GALNT18: variants seen among roughly 807,000 people sequenced by gnomAD.
GALNT18 encodes polypeptide N-acetylgalactosaminyltransferase 18, also known as GalNAc-transferase 18.
Under a neutral mutation model 69.5 loss-of-function variants are expected in GALNT18, and 44 were observed. The observed-to-expected ratio is 0.63, with a 90% CI of 0.50 to 0.81. The LOEUF is 0.81. Ranked by LOEUF, GALNT18 falls within the 40% of genes least tolerant of loss-of-function variation. The pLI is 0.00. For missense variants in GALNT18, 715 were observed against 810.0 expected (o/e 0.88, Z 1.42); for synonymous variants, 364 against 318.2 (o/e 1.14, Z -1.53).
chr11:11,371,657 AG>A (rs1194294208), intron 6 of GALNT18, among the ~76,000 whole-genome samples: 3 of 104,918 alleles, frequency 2.9e-5, no homozygotes, highest in Non-Finnish European at 7.1e-5. Context: ...GACATCCTGC[AG>A]CTCTAATACT....
chr11:11,408,600 T>C (rs748841505), intron 3 of GALNT18, among the ~76,000 whole-genome samples: 1 of 152,020 alleles, frequency 6.6e-6, no homozygotes, highest in Non-Finnish European at 1.5e-5. Context: ...CAAATGTTTC[T>C]TATATAAAGG....
chr11:11,471,798 C>A (rs373272894), intron 1 of GALNT18, among the ~76,000 whole-genome samples: 1 of 152,322 alleles, frequency 6.6e-6, no homozygotes, highest in East Asian at 1.9e-4. Flanking sequence ...CATCTCCTGA[C>A]CAGTGGGGCC....
chr11:11,301,778 C>T (rs1326087261), intron 9 of GALNT18, among the ~76,000 whole-genome samples: 3 of 152,202 alleles, frequency 2.0e-5, no homozygotes, highest in Non-Finnish European at 4.4e-5. Context: ...CCAGGGCTGG[C>T]CTGGGCATTG....
At chr11:11,503,883 G>T (rs1316321415) in intron 1 of GALNT18, among the ~76,000 whole-genome samples, 2 of 152,160 alleles carry the variant, frequency 1.3e-5, no homozygotes. Flanking sequence ...TCAAATCATT[G>T]CCAGCAGTGC....
intron 6 of GALNT18, among the ~76,000 whole-genome samples, chr11:11,371,401 T>C (rs934614626): frequency 6.6e-6 from 1 of 152,098 alleles, no homozygotes; most frequent in African/African-American, 2.4e-5. Context: ...GTATCAGGAA[T>C]TGGAGACATC....
rs1188086618 is a variant in GALNT18 at position 11,587,271 on chromosome 11, A to T, written c.235+34088T>A. ...CTGGCTCACTTTCTCAGAAATGAGG[A>T]AACTTGGAGGCAATTTGAGACTTGG... On this transcript the variant is annotated intron_variant, in intron 1 of 10. Transcript: ENST00000227756. This position sits in a 1 kb window ranked among gnomAD's most constrained non-coding sequence, Gnocchi z 4.4. Among the ~76,000 whole-genome samples the T allele has an allele frequency of 6.6e-6, 1 of 152,240 alleles. No individual in the cohort carries two copies. Among genetic ancestry groups the T allele is most frequent in the Non-Finnish European group, 1.5e-5 (1 of 68,044 alleles).
At chr11:11,286,053 G>A (rs1050449054) in intron 10 of GALNT18, among the ~76,000 whole-genome samples, 1 of 152,070 alleles carries the variant, frequency 6.6e-6, no homozygotes, top group Non-Finnish European at 1.5e-5. Flanking sequence ...ATGCATCAGC[G>A]CTGCTCTGAG....
At chr11:11,473,689 T>A (rs1484306211) in intron 1 of GALNT18, among the ~76,000 whole-genome samples, 1 of 152,222 alleles carries the variant, frequency 6.6e-6, no homozygotes, top group Non-Finnish European at 1.5e-5. Flanking sequence ...GAGAAGCAAG[T>A]TCACTTCTAA....
chr11:11,517,666 G>A (rs770870245), intron 1 of GALNT18, among the ~76,000 whole-genome samples: 4 of 151,878 alleles, frequency 2.6e-5, no homozygotes, highest in Admixed American at 6.6e-5. Flanking sequence ...ATCCCCTTGC[G>A]AGACTAGCTA....
At chr11:11,443,167 T>C (rs1394003052) in intron 2 of GALNT18, among the ~76,000 whole-genome samples, 3 of 152,172 alleles carry the variant, frequency 2.0e-5, no homozygotes, top group Non-Finnish European at 4.4e-5. Flanking sequence ...ATGTTCCACC[T>C]GCCTGGCCCG....
chr11:11,274,815 C>T (rs1424925516), intron 10 of GALNT18, among the ~76,000 whole-genome samples: 1 of 152,152 alleles, frequency 6.6e-6, no homozygotes, highest in Non-Finnish European at 1.5e-5. Flanking sequence ...GTTTTCTGTT[C>T]TTTGCTGTTC....
Position 11,621,179 on chromosome 11 carries a change from C to T in GALNT18, c.235+180G>A, listed in dbSNP as rs1860182681. On this transcript the variant is annotated intron_variant, in intron 1 of 10. Transcript: ENST00000227756. This position sits in a 1 kb window ranked among gnomAD's most constrained non-coding sequence, Gnocchi z 9.3. ...TGTGCCCCGGGGAAGAGCGCACGGC[C>T]GCAGACAGAAGGTCCCGAACGCAGG... 2.6e-5 allele frequency among the ~76,000 whole-genome samples: 4 copies of T among 152,118 alleles called. No individual in the cohort carries two copies. The highest frequency in any genetic ancestry group is 6.5e-5 in the Admixed American group (1 of 15,284).
At chr11:11,544,612 G>C (rs12418371) in intron 1 of GALNT18, among the ~76,000 whole-genome samples, 3 of 152,170 alleles carry the variant, frequency 2.0e-5, no homozygotes, top group Non-Finnish European at 2.9e-5. Flanking sequence ...TTGTTACATA[G>C]GTATACCTGT....
chr11:11,385,469 G>C (rs1854031054), intron 3 of GALNT18, among the ~76,000 whole-genome samples: 1 of 152,010 alleles, frequency 6.6e-6, no homozygotes, highest in African/African-American at 2.4e-5. Flanking sequence ...CTAATTTTTT[G>C]TATTTTTAGT....
At chr11:11,529,276 T>C (rs1231449016) in intron 1 of GALNT18, among the ~76,000 whole-genome samples, 2 of 152,214 alleles carry the variant, frequency 1.3e-5, no homozygotes, top group African/African-American at 4.8e-5. Context: ...AACATTTGAA[T>C]CAGTAGACTG....
At chr11:11,285,637 T>C (rs1230869302) in intron 10 of GALNT18, among the ~76,000 whole-genome samples, 1 of 152,216 alleles carries the variant, frequency 6.6e-6, no homozygotes, top group Non-Finnish European at 1.5e-5. Flanking sequence ...TCCCTTCATA[T>C]GACATGAAAG....
intron 10 of GALNT18, among the ~76,000 whole-genome samples, chr11:11,285,846 C>T (rs1849181972): frequency 6.6e-6 from 1 of 152,170 alleles, no homozygotes; most frequent in African/African-American, 2.4e-5. Context: ...CAAATAGATT[C>T]GTCTTTGCGT....
intron 1 of GALNT18, among the ~76,000 whole-genome samples, chr11:11,472,209 C>A (rs1444771004): frequency 3.3e-5 from 5 of 152,240 alleles, no homozygotes; most frequent in Non-Finnish European, 7.3e-5. Flanking sequence ...CTGTTCTGCA[C>A]TGCCTGGCTG....
intron 1 of GALNT18, among the ~76,000 whole-genome samples, chr11:11,589,382 C>T (rs1425882502): frequency 6.6e-6 from 1 of 152,200 alleles, no homozygotes; most frequent in African/African-American, 2.4e-5. Flanking sequence ...AAAATACAAG[C>T]AATCTCCTTT....
Sources: allele counts gnomAD v4.1 joint callset (sites outside exome capture counted in the v4.1 genomes callset), GRCh38; gene constraint gnomAD v4.1.1; non-coding constraint Gnocchi (gnomAD v3.1); transcripts MANE v1.5; gene names NCBI Gene and HGNC (gene_info 2026-07-23, HGNC 2026-07-21).